The following NOX4 variants were observed in gnomAD, a reference collection of about 807,000 sequenced individuals.
The protein encoded by NOX4 is NADPH oxidase 4, also known as kidney oxidase-1.
In NOX4, 69 loss-of-function variants were observed where a neutral mutation model predicts 87.6. The ratio of observed to expected loss-of-function variants is 0.79; its 90% CI spans 0.65 to 0.96. The LOEUF (loss-of-function observed/expected upper bound fraction) is 0.96, where lower values mean the gene tolerates loss of function less well. Ranked by LOEUF, NOX4 falls within the 40% of genes least tolerant of loss-of-function variation. The pLI is 0.00. For synonymous variants in NOX4, 275 were observed against 238.2 expected (o/e 1.15, Z -1.42); for missense variants, 680 against 681.5 (o/e 1.00, Z 0.02).
At chr11:89,525,551 C>T in the NOX4 span, among the ~76,000 whole-genome samples, 6 of 151,956 alleles carry the variant, frequency 3.9e-5, no homozygotes, top group Admixed American at 2.0e-4. Flanking sequence ...ATGTTTTGCT[C>T]ATTTTTGTTT....
At chr11:89,350,441 GA>G (rs1190743524) in intron 13 of NOX4, among the ~76,000 whole-genome samples, 1 of 152,070 alleles carries the variant, frequency 6.6e-6, no homozygotes, top group Non-Finnish European at 1.5e-5. Context: ...ACACTATGTT[GA>G]CTAAATAGAA....
At chr11:89,344,946 C>T (rs988941428) in intron 13 of NOX4, among the ~76,000 whole-genome samples, 1 of 152,160 alleles carries the variant, frequency 6.6e-6, no homozygotes, top group Non-Finnish European at 1.5e-5. Flanking sequence ...CAATTATCAT[C>T]TAACAATTCT....
At chr11:89,410,121 C>T (rs1414995671) in intron 8 of NOX4, among the ~76,000 whole-genome samples, 19 of 151,806 alleles carry the variant, frequency 1.3e-4, no homozygotes, top group Non-Finnish European at 4.4e-5. Flanking sequence ...ATTTTTTAGC[C>T]ACAGAAATGC....
chr11:89,440,331 T>C (rs933329795), intron 6 of NOX4, among the ~76,000 whole-genome samples: 2 of 152,254 alleles, frequency 1.3e-5, no homozygotes, highest in Non-Finnish European at 2.9e-5. Context: ...TTTATTTTTA[T>C]TTTTTAGACG....
chr11:89,534,794 T>C, the NOX4 span, among the ~76,000 whole-genome samples: 6 of 152,362 alleles, frequency 3.9e-5, no homozygotes, highest in East Asian at 3.9e-4. Context: ...TGTGATGCTT[T>C]GGCAAGCTTG....
At chr11:89,330,665 A>C (rs1026641364) in intron 17 of NOX4, among the ~76,000 whole-genome samples, 11 of 151,654 alleles carry the variant, frequency 7.3e-5, no homozygotes, top group African/African-American at 2.4e-4. Flanking sequence ...GGCTAACATT[A>C]GAGAAAAAAG....
chr11:89,395,355 CT>C (rs893342905), intron 11 of NOX4, among the ~76,000 whole-genome samples: 9 of 151,866 alleles, frequency 5.9e-5, no homozygotes, highest in Non-Finnish European at 8.8e-5. Flanking sequence ...GGGTTGTTTG[CT>C]TTTTTCTTGT....
intron 2 of NOX4, among the ~76,000 whole-genome samples, chr11:89,480,916 T>C (rs1283341153): frequency 6.6e-6 from 1 of 152,144 alleles, no homozygotes; most frequent in Non-Finnish European, 1.5e-5. Flanking sequence ...GAATGAAATA[T>C]GTTCCACCTC....
the NOX4 span, among the ~76,000 whole-genome samples, chr11:89,544,753 T>A: frequency 2.0e-5 from 3 of 151,904 alleles, no homozygotes; most frequent in African/African-American, 7.3e-5. Context: ...TAATTTGCTG[T>A]ATGTCATACA....
At chr11:89,421,051 A>T (rs566178951) in intron 8 of NOX4, among the ~76,000 whole-genome samples, 2 of 152,178 alleles carry the variant, frequency 1.3e-5, no homozygotes, top group Non-Finnish European at 2.9e-5. Flanking sequence ...GAGTTGCTAC[A>T]TGAAGGAGTG....
intron 2 of NOX4, among the ~76,000 whole-genome samples, chr11:89,480,106 C>G (rs1946331541): frequency 6.6e-6 from 1 of 152,126 alleles, no homozygotes; most frequent in African/African-American, 2.4e-5. Context: ...CTGCGCAGTT[C>G]AAATCTTTGC....
At position 89,335,941 on chromosome 11, in the gene NOX4, A is replaced by G; in HGVS notation, c.1520T>C (p.Ile507Thr). The G allele has an allele frequency of 1.3e-6, 2 of 1,581,708 alleles. No individual in the cohort carries two copies. The highest frequency in any genetic ancestry group is 8.6e-7 in the Non-Finnish European group (1 of 1,158,858). Residue 507 changes from isoleucine (I) to threonine (T), a missense_variant, in exon 17 of 18, where the codon ATA (isoleucine) becomes ACA (threonine). Physicochemically the swap from Ile to Thr is moderately conservative, Grantham distance 89. Transcript: ENST00000263317. ...YLSQTDGIQK[I>T]IGEKYHALNS... Reference sequence around the variant, plus strand: ...CAGTGCATGATATTTTTCTCCAATTATCTTCTGCCAAAAAGAAAGCACTAC... The same window carrying G: ...CAGTGCATGATATTTTTCTCCAATTGTCTTCTGCCAAAAAGAAAGCACTAC...
chr11:89,330,426 A>G (rs561871388), intron 17 of NOX4, among the ~76,000 whole-genome samples: 2 of 152,068 alleles, frequency 1.3e-5, no homozygotes, highest in East Asian at 1.9e-4. Context: ...TAAACTTAGA[A>G]CAATGTTTCT....
At chr11:89,509,265 A>G in the NOX4 span, among the ~76,000 whole-genome samples, 4 of 151,822 alleles carry the variant, frequency 2.6e-5, no homozygotes, top group Admixed American at 2.6e-4. Flanking sequence ...TGTCTCTTAG[A>G]CATTAACCAG....
At chr11:89,544,590 A>G in the NOX4 span, among the ~76,000 whole-genome samples, 1 of 151,962 alleles carries the variant, frequency 6.6e-6, no homozygotes, top group East Asian at 1.9e-4. Flanking sequence ...GACATCTTTT[A>G]AGGATTCCTG....
At chr11:89,547,866 G>A in the NOX4 span, among the ~76,000 whole-genome samples, 2 of 152,036 alleles carry the variant, frequency 1.3e-5, no homozygotes, top group Admixed American at 6.6e-5. Flanking sequence ...TAGAACCCCA[G>A]TATTTCCCTA....
At chr11:89,459,939 C>A (rs555754675) in intron 2 of NOX4, among the ~76,000 whole-genome samples, 8 of 152,302 alleles carry the variant, frequency 5.3e-5, no homozygotes, top group Admixed American at 3.9e-4. Flanking sequence ...ACCAAAACAG[C>A]ACGGTACTGC....
intron 11 of NOX4, among the ~76,000 whole-genome samples, chr11:89,379,478 CAAG>C (rs1361472211): frequency 6.6e-6 from 1 of 152,082 alleles, no homozygotes; most frequent in Non-Finnish European, 1.5e-5. Context: ...AACCCAAAGA[CAAG>C]GAGACGTGAA....
At chr11:89,505,053 C>G in the NOX4 span, among the ~76,000 whole-genome samples, 1 of 152,018 alleles carries the variant, frequency 6.6e-6, no homozygotes, top group Non-Finnish European at 1.5e-5. Flanking sequence ...GTAGGAATTT[C>G]TGCTTTCTTG....
Sources: allele counts gnomAD v4.1 joint callset (sites outside exome capture counted in the v4.1 genomes callset), GRCh38; gene constraint gnomAD v4.1.1; transcripts MANE v1.5; gene names NCBI Gene and HGNC (gene_info 2026-07-23, HGNC 2026-07-21).